The following CHRM3 variants were observed in gnomAD, a reference collection of about 807,000 sequenced individuals.
CHRM3 encodes the protein cholinergic receptor muscarinic 3.
CHRM3 carries 11 observed loss-of-function variants against 41.8 expected under a neutral mutation model. That is an observed-to-expected ratio of 0.26 (90% confidence interval 0.17 to 0.44). CHRM3 has a LOEUF of 0.44. CHRM3 is among the 20% of genes least tolerant of loss of function. The probability of loss-of-function intolerance (pLI) is 1.00; values close to 1 mark genes in which losing one functional copy is unlikely to be tolerated. For missense variants in CHRM3, 571 were observed against 745.4 expected (o/e 0.77, Z 2.72); for synonymous variants, 297 against 301.4 (o/e 0.99, Z 0.15).
chr1:239,504,913 G>A (rs1391679230), intron 2 of CHRM3, among the ~76,000 whole-genome samples: 1 of 151,624 alleles, frequency 6.6e-6, no homozygotes, highest in Admixed American at 6.6e-5. Context: ...GACTTGGGGG[G>A]AAGGGTGGGA....
chr1:239,588,849 T>C (rs1663724855), intron 3 of CHRM3, among the ~76,000 whole-genome samples: 1 of 152,168 alleles, frequency 6.6e-6, no homozygotes, highest in South Asian at 2.1e-4. Context: ...CAGACCACTT[T>C]ATAGAAAAGA....
chr1:239,882,261 T>A (rs1677707329), intron 6 of CHRM3, among the ~76,000 whole-genome samples: 1 of 152,192 alleles, frequency 6.6e-6, no homozygotes, highest in Non-Finnish European at 1.5e-5. Flanking sequence ...AACAACCACT[T>A]GCCCTAAATC....
At chr1:239,431,785 A>T (rs1177819315) in intron 1 of CHRM3, among the ~76,000 whole-genome samples, 1 of 152,204 alleles carries the variant, frequency 6.6e-6, no homozygotes, top group Non-Finnish European at 1.5e-5. Flanking sequence ...TGAAATACTA[A>T]TTAACTAAAC....
chr1:239,390,864 C>T (rs1027501035), intron 1 of CHRM3, among the ~76,000 whole-genome samples: 8 of 152,188 alleles, frequency 5.3e-5, no homozygotes, highest in African/African-American at 1.7e-4. Flanking sequence ...GGTCTGGGCA[C>T]AGTGGCTCAT....
At chr1:239,806,194 A>G (rs1670628265) in intron 5 of CHRM3, among the ~76,000 whole-genome samples, 1 of 152,202 alleles carries the variant, frequency 6.6e-6, no homozygotes, top group South Asian at 2.1e-4. Context: ...GCTTTGAACA[A>G]CAACTGAAAA....
chr1:239,873,566 C>T (rs1676777648), intron 6 of CHRM3, among the ~76,000 whole-genome samples: 2 of 151,972 alleles, frequency 1.3e-5, no homozygotes, highest in African/African-American at 4.8e-5. Context: ...TTGTTCAACT[C>T]CCATTTACAA....
intron 1 of CHRM3, among the ~76,000 whole-genome samples, chr1:239,482,868 T>C (rs1393046857): frequency 1.3e-5 from 2 of 152,234 alleles, no homozygotes; most frequent in Non-Finnish European, 2.9e-5. Context: ...TTCATCTTTG[T>C]TTATATGAAA....
intron 6 of CHRM3, among the ~76,000 whole-genome samples, chr1:239,905,186 C>A (rs571106146): frequency 6.6e-6 from 1 of 152,086 alleles, no homozygotes; most frequent in Non-Finnish European, 1.5e-5. Flanking sequence ...CTTAAGGAGG[C>A]GTGTGATGAT....
intron 3 of CHRM3, among the ~76,000 whole-genome samples, chr1:239,602,957 C>G (rs1193761756): frequency 6.6e-6 from 1 of 152,114 alleles, no homozygotes; most frequent in Non-Finnish European, 1.5e-5. Context: ...AACCAGTCTC[C>G]AGACCTTTTT....
intron 5 of CHRM3, among the ~76,000 whole-genome samples, chr1:239,712,031 A>C (rs1661855534): frequency 6.6e-6 from 1 of 152,138 alleles, no homozygotes; most frequent in Non-Finnish European, 1.5e-5. Context: ...GCCTCTAGTA[A>C]GCCCATTCAG....
At chr1:239,899,427 CTA>C (rs1421177573) in intron 6 of CHRM3, among the ~76,000 whole-genome samples, 1 of 150,552 alleles carries the variant, frequency 6.6e-6, no homozygotes, top group Non-Finnish European at 1.5e-5. Flanking sequence ...ACACACATAT[CTA>C]TACACATGTA....
Position 239,607,895 on chromosome 1 carries a change from C to T in CHRM3, c.-312-24329C>T, listed in dbSNP as rs562805419. ...TGTTTTATATTTTGTGTTCTGCATT[C>T]TGTTTTATGATTGTGACATAGGTAT... On this transcript the variant is annotated intron_variant, in intron 3 of 6. Transcript: ENST00000676153. Among the ~76,000 whole-genome samples, 5 of 152,142 alleles carry T rather than the reference C, an allele frequency of 3.3e-5. No individual in the cohort carries two copies. In the South Asian group the frequency reaches 1.0e-3, roughly 32 times the overall value.
intron 1 of CHRM3, among the ~76,000 whole-genome samples, chr1:239,457,718 A>G (rs1465048192): frequency 6.6e-6 from 1 of 152,218 alleles, no homozygotes. Context: ...CTCATGCTTC[A>G]GAGGTGCTCA....
chr1:239,563,256 C>T (rs1375323923), intron 3 of CHRM3, among the ~76,000 whole-genome samples: 1 of 151,308 alleles, frequency 6.6e-6, no homozygotes, highest in Non-Finnish European at 1.5e-5. Flanking sequence ...TTTATATAAT[C>T]AAAATTTGTT....
At chr1:239,807,889 C>T (rs1359273673) in intron 5 of CHRM3, among the ~76,000 whole-genome samples, 2 of 151,756 alleles carry the variant, frequency 1.3e-5, no homozygotes, top group Admixed American at 1.3e-4. Context: ...CTGGGATATT[C>T]CAGAGTGATA....
intron 3 of CHRM3, among the ~76,000 whole-genome samples, chr1:239,565,308 A>G (rs939007292): frequency 6.6e-5 from 10 of 152,218 alleles, no homozygotes; most frequent in Non-Finnish European, 1.5e-4. Flanking sequence ...TTGCTGCAAC[A>G]TATAGTATCC....
chr1:239,565,860 A>G (rs34416553), intron 3 of CHRM3, among the ~76,000 whole-genome samples: 1 of 151,852 alleles, frequency 6.6e-6, no homozygotes, highest in South Asian at 2.1e-4. Flanking sequence ...ATGTTAAAAC[A>G]CCACATGAGA....
intron 6 of CHRM3, among the ~76,000 whole-genome samples, chr1:239,880,062 G>A (rs939797649): frequency 6.6e-6 from 1 of 152,174 alleles, no homozygotes; most frequent in Non-Finnish European, 1.5e-5. Context: ...CAAGAAGACA[G>A]GAGAAGAGAT....
At chr1:239,833,591 C>T (rs1572434410) in intron 6 of CHRM3, among the ~76,000 whole-genome samples, 1 of 152,168 alleles carries the variant, frequency 6.6e-6, no homozygotes, top group Admixed American at 6.5e-5. Context: ...CCCAAAACCT[C>T]GTTGTGACCA....
Sources: gnomAD v4.1 joint callset for allele counts (sites outside exome capture counted in the v4.1 genomes callset) on GRCh38, gnomAD v4.1.1 for gene constraint, MANE v1.5 for transcripts, NCBI Gene and HGNC (gene_info 2026-07-23, HGNC 2026-07-21) for gene names.